C9orf72: variants seen among roughly 807,000 people sequenced by gnomAD.
The protein encoded by C9orf72 is guanine nucleotide exchange factor C9orf72.
In C9orf72, 44 loss-of-function variants were observed where a neutral mutation model predicts 51.6. That is an observed-to-expected ratio of 0.85 (90% CI 0.67 to 1.10). C9orf72 has a LOEUF of 1.10. Among genes scored for constraint, C9orf72 ranks in the 50% least tolerant of loss-of-function variants. The probability of loss-of-function intolerance (pLI) is 0.00; values close to 1 mark genes in which losing one functional copy is unlikely to be tolerated. For missense variants in C9orf72, 607 were observed against 570.6 expected, an observed-to-expected ratio of 1.06 and a Z score of -0.65; for synonymous variants, 213 against 194.2, an observed-to-expected ratio of 1.10 and a Z score of -0.81.
At position 27,565,599 on chromosome 9, in the gene C9orf72, G is replaced by C; in HGVS notation, c.445-9C>G. 6.3e-7 allele frequency: 1 copy of C among 1,580,410 alleles called. No individual in the cohort carries two copies. Among genetic ancestry groups the C allele is most frequent in the Non-Finnish European group, 8.7e-7 (1 of 1,155,810 alleles). On this transcript the variant is annotated splice_polypyrimidine_tract_variant and intron_variant, in intron 2 of 10. Transcript: ENST00000380003. ...ACATTTTCTTGTCTTTCCTGAGCAA[G>C]AGAAAATTTATTTAAAAAAACAACC...
intron 9 of C9orf72, among the ~76,000 whole-genome samples, 182 bp from the exon 10 acceptor site, chr9:27,548,848 A>AT (rs199834267): frequency 0.22 from 31,462 of 144,984 alleles, 3,483 homozygotes; most frequent in Non-Finnish European, 0.25. Context: ...ACAATCTGAT[A>AT]TTTTTTTTTT....
intron 1 of C9orf72, among the ~76,000 whole-genome samples, chr9:27,568,940 T>C (rs1047976252): frequency 6.6e-6 from 1 of 152,086 alleles, no homozygotes; most frequent in Non-Finnish European, 1.5e-5. Context: ...ATGTGTGTTA[T>C]TGCCCCTAAA....
rs1490160148 is a variant in C9orf72, at chr9:27,547,042, A to T, written c.*1194T>A. On this transcript the variant is annotated 3_prime_UTR_variant, in exon 11 of 11. Coordinates refer to ENST00000380003, the MANE Select transcript of C9orf72 (RefSeq NM_018325.5). ...ACTACAATGTCAACATTGTGTTAGA[A>T]TTATATTAATCAGTTATTTTATAGC... is the stretch of plus-strand genomic sequence containing the variant. 6.6e-6 allele frequency: 1 copy of T among 152,614 alleles called. No homozygotes were observed. The highest frequency in any genetic ancestry group is 1.5e-5 in the Non-Finnish European group (1 of 68,024). 9.5% of individuals were successfully genotyped at this position (152,614 alleles called of 1,614,324 possible).
intron 8 of C9orf72, among the ~76,000 whole-genome samples, chr9:27,551,692 T>C (rs1000572489): frequency 1.2e-4 from 19 of 152,372 alleles, no homozygotes; most frequent in African/African-American, 3.6e-4. Context: ...TGGGCACTGA[T>C]AGTGCCCCTT....
intron 1 of C9orf72, among the ~76,000 whole-genome samples, chr9:27,572,772 T>G (rs1819616097): frequency 6.6e-6 from 1 of 152,106 alleles, no homozygotes; most frequent in South Asian, 2.1e-4. Context: ...TTACCATCAG[T>G]CAAGTGATGC....
intron 1 of C9orf72, among the ~76,000 whole-genome samples, chr9:27,573,032 G>A (rs1033051417): frequency 4.6e-5 from 7 of 152,200 alleles, no homozygotes; most frequent in East Asian, 1.9e-4. Context: ...TTGGTCCGCA[G>A]AAGCCGCGCG....
chr9:27,550,166 T>C (rs1360263949), intron 9 of C9orf72, among the ~76,000 whole-genome samples: 2 of 150,676 alleles, frequency 1.3e-5, no homozygotes, highest in African/African-American at 4.9e-5. Flanking sequence ...GTAATATGTA[T>C]ATATGCTCGT....
intron 9 of C9orf72, among the ~76,000 whole-genome samples, chr9:27,549,757 A>T (rs28522208): frequency 0.024 from 3,533 of 146,904 alleles, 130 homozygotes; most frequent in African/African-American, 0.083. Context: ...TTTCAGGCAA[A>T]TAAACAACCT....
At chr9:27,567,770 T>A (rs1472251267) in intron 1 of C9orf72, among the ~76,000 whole-genome samples, 1 of 152,112 alleles carries the variant, frequency 6.6e-6, no homozygotes, top group African/African-American at 2.4e-5. Context: ...GAGAGAGATT[T>A]GGAGACACAG....
At position 27,556,659 on chromosome 9, in the gene C9orf72, G is replaced by A; in HGVS notation, c.993C>T (p.Tyr331=). The A allele has an allele frequency of 3.7e-6, 6 of 1,613,822 alleles. No individual in the cohort carries two copies. The highest frequency in any genetic ancestry group is 5.1e-6 in the Non-Finnish European group (6 of 1,179,776). Residue 331 remains tyrosine, a synonymous_variant, in exon 8 of 11, where the codon TAC becomes TAT. Transcript: ENST00000380003. Reference sequence around the variant, plus strand: ...AGAAGGCTGTCAGCTCGGATCTCATGTATCTACGCTGATTATAAATATGTT... The same window carrying A: ...AGAAGGCTGTCAGCTCGGATCTCATATATCTACGCTGATTATAAATATGTT... The part of the protein sequence containing the change: ...CHEHIYNQRR[Y]MRSELTAFWR...
intron 5 of C9orf72, chr9:27,561,300 C>A (rs772319618): frequency 8.5e-5 from 101 of 1,181,556 alleles, no homozygotes; most frequent in Non-Finnish European, 1.0e-4. Flanking sequence ...ATTCTGTTAG[C>A]TTTAATGAGA....
intron 3 of C9orf72, among the ~76,000 whole-genome samples, chr9:27,564,294 G>C (rs1422500087): frequency 1.3e-5 from 2 of 151,920 alleles, no homozygotes; most frequent in African/African-American, 4.8e-5. Context: ...TTTAAGAAGA[G>C]CACTTAAAAG....
chr9:27,558,716 A>C (rs1308927674), intron 6 of C9orf72, 109 bp from the exon 7 acceptor site: 2 of 603,580 alleles, frequency 3.3e-6, no homozygotes, highest in African/African-American at 3.8e-5. Context: ...ACATATCCTA[A>C]GAAATAAGTA....
intron 8 of C9orf72, among the ~76,000 whole-genome samples, chr9:27,551,001 A>C (rs62538125): frequency 0.2 from 29,703 of 152,046 alleles, 3,137 homozygotes; most frequent in Non-Finnish European, 0.24. Flanking sequence ...GTATCTATCA[A>C]TCTATTTTAC....
At chr9:27,562,585 T>C in intron 3 of C9orf72, 109 bp from the exon 4 acceptor site, 1 of 489,854 alleles carries the variant, frequency 2.0e-6, no homozygotes, top group Non-Finnish European at 3.5e-6. Flanking sequence ...TGAAAATACT[T>C]CGTAATTTGT....
chr9:27,546,646 C>T lies in C9orf72; in HGVS notation c.*1590G>A, dbSNP rs1329586936. The T allele has an allele frequency of 6.6e-6, 1 of 152,150 alleles. No individual in the cohort carries two copies. Among genetic ancestry groups the T allele is most frequent in the African/African-American group, 2.4e-5 (1 of 41,444 alleles). 9.4% of individuals were successfully genotyped at this position (152,150 alleles called of 1,614,324 possible). A position where few individuals can be genotyped will look rare whatever the true frequency, so the allele number is the denominator to read the frequency against. ...ATAACTTATTTCACTGTACAACTTA[C>T]ATTCTGTATAACAGTACAATAAACC... On this transcript the variant is annotated 3_prime_UTR_variant, in exon 11 of 11. Coordinates refer to ENST00000380003, the MANE Select transcript of C9orf72 (RefSeq NM_018325.5).
At chr9:27,569,624 T>C (rs1014545070) in intron 1 of C9orf72, among the ~76,000 whole-genome samples, 6 of 152,240 alleles carry the variant, frequency 3.9e-5, no homozygotes, top group African/African-American at 1.4e-4. Flanking sequence ...AAGTACACTC[T>C]ATGATGTTTG....
At position 27,573,475 on chromosome 9, in the gene C9orf72, C is replaced by G. The variant is rs1231178218; in HGVS notation, c.-89G>C. The G allele has an allele frequency of 6.8e-6, 1 of 147,630 alleles. No homozygotes were observed. Among genetic ancestry groups the G allele is most frequent in the Non-Finnish European group, 1.5e-5 (1 of 65,896 alleles). The allele number at this position is 147,630 out of a possible 1,614,324, so 9.1% of individuals were successfully genotyped here. A position where few individuals can be genotyped will look rare whatever the true frequency, so the allele number is the denominator to read the frequency against. ...CCTCCGCCGCCGCGGGCGCAGGCAC[C>G]GCAACCGCAGCCCCGCCCCGGGCCC... On this transcript the variant is annotated 5_prime_UTR_variant, in exon 1 of 11. Coordinates refer to ENST00000380003, the MANE Select transcript of C9orf72 (RefSeq NM_018325.5).
At chr9:27,568,710 GTTAT>G (rs1321227783) in intron 1 of C9orf72, among the ~76,000 whole-genome samples, 2 of 152,146 alleles carry the variant, frequency 1.3e-5, no homozygotes. Context: ...TATTTTGCAA[GTTAT>G]TTAAAGTATA....
Sources: allele counts gnomAD v4.1 joint callset (sites outside exome capture counted in the v4.1 genomes callset), GRCh38; gene constraint gnomAD v4.1.1; transcripts MANE v1.5; gene names NCBI Gene and HGNC (gene_info 2026-07-23, HGNC 2026-07-21).